Variants in SAMTOR observed in about 807,000 individuals in gnomAD.
SAMTOR encodes S-adenosylmethionine sensor upstream of mTORC1.
At chr7:112,884,541 C>T in the SAMTOR span, among the ~76,000 whole-genome samples, 40 of 152,212 alleles carry the variant, frequency 2.6e-4, no homozygotes, top group East Asian at 6.4e-3. Flanking sequence ...CATATAAGTC[C>T]GAAATCCAAT....
the SAMTOR span, among the ~76,000 whole-genome samples, chr7:112,920,667 T>A: frequency 9.8e-3 from 1,418 of 144,092 alleles, 20 homozygotes; most frequent in African/African-American, 0.034. Flanking sequence ...ATTGTCCCTG[T>A]TTGCAGATGA....
the SAMTOR span, among the ~76,000 whole-genome samples, chr7:112,917,133 C>G: frequency 2.0e-5 from 3 of 152,360 alleles, no homozygotes; most frequent in South Asian, 4.1e-4. Flanking sequence ...GATCTGAGAA[C>G]AGGCAGACTG....
chr7:112,922,051 C>T, the SAMTOR span, among the ~76,000 whole-genome samples: 1 of 152,250 alleles, frequency 6.6e-6, no homozygotes, highest in South Asian at 2.1e-4. Context: ...ACTGCAACCT[C>T]CCTGCCTGAT....
chr7:112,852,961 A>G, the SAMTOR span, among the ~76,000 whole-genome samples: 1 of 152,004 alleles, frequency 6.6e-6, no homozygotes, highest in Non-Finnish European at 1.5e-5. Context: ...TCTCTAAAGG[A>G]CAACGAACTA....
the SAMTOR span, among the ~76,000 whole-genome samples, chr7:112,902,429 C>CAAAAAAA: frequency 1.7e-5 from 1 of 58,618 alleles, no homozygotes; most frequent in Non-Finnish European, 2.8e-5. Context: ...AAAAAAAAAA[C>CAAAAAAA]AAAAAAAAAC....
chr7:112,877,024 C>G, the SAMTOR span, among the ~76,000 whole-genome samples: 1 of 152,208 alleles, frequency 6.6e-6, no homozygotes. Flanking sequence ...ATAACACTCT[C>G]TTGCTAGTTG....
chr7:112,873,850 T>A, the SAMTOR span, among the ~76,000 whole-genome samples: 2 of 151,910 alleles, frequency 1.3e-5, no homozygotes, highest in Admixed American at 6.6e-5. Context: ...AAGAAACTTA[T>A]ATCAACAAGC....
chr7:112,886,804 T>C, the SAMTOR span, among the ~76,000 whole-genome samples: 2 of 152,340 alleles, frequency 1.3e-5, no homozygotes, highest in Non-Finnish European at 2.9e-5. Context: ...CAAAGAAATT[T>C]AGTACCAATT....
At chr7:112,829,568 A>T in the SAMTOR span, among the ~76,000 whole-genome samples, 3 of 151,982 alleles carry the variant, frequency 2.0e-5, no homozygotes. Flanking sequence ...GCATGGCTGT[A>T]ATTTTTTTTG....
chr7:112,864,422 CTGTGTTTTTATGATAAA>C, the SAMTOR span, among the ~76,000 whole-genome samples: 1 of 152,228 alleles, frequency 6.6e-6, no homozygotes, highest in Non-Finnish European at 1.5e-5. Context: ...ATGGGTTCTC[CTGTGTTTTTATGATAAA>C]GTTTAATGAT....
the SAMTOR span, among the ~76,000 whole-genome samples, chr7:112,832,931 T>A: frequency 1.3e-5 from 2 of 152,076 alleles, no homozygotes; most frequent in African/African-American, 4.8e-5. Flanking sequence ...TTGTTTTATA[T>A]ATATTTACTT....
chr7:112,840,363 A>G, the SAMTOR span, among the ~76,000 whole-genome samples: 1 of 151,824 alleles, frequency 6.6e-6, no homozygotes, highest in African/African-American at 2.4e-5. Context: ...GTGTATTTCA[A>G]TTCTATTATT....
At chr7:112,939,716 C>T in the SAMTOR span, 1 of 1,608,862 alleles carries the variant, frequency 6.2e-7, no homozygotes, top group Non-Finnish European at 8.5e-7. Flanking sequence ...CCTCTGCGCA[C>T]GAGCAGTATT....
chr7:112,923,172 C>T, the SAMTOR span, among the ~76,000 whole-genome samples: 1 of 152,308 alleles, frequency 6.6e-6, no homozygotes, highest in East Asian at 1.9e-4. Flanking sequence ...TGATCTATGA[C>T]CTTACCCCTA....
At chr7:112,878,114 G>A in the SAMTOR span, among the ~76,000 whole-genome samples, 2 of 152,086 alleles carry the variant, frequency 1.3e-5, no homozygotes, top group African/African-American at 2.4e-5. Flanking sequence ...CTTTTTCTGC[G>A]CTTCCCATTT....
At chr7:112,926,256 G>T in the SAMTOR span, among the ~76,000 whole-genome samples, 1 of 152,050 alleles carries the variant, frequency 6.6e-6, no homozygotes, top group African/African-American at 2.4e-5. Context: ...GGCAACACAG[G>T]CATCTGTTAG....
the SAMTOR span, among the ~76,000 whole-genome samples, chr7:112,830,824 C>T: frequency 6.6e-6 from 1 of 150,686 alleles, no homozygotes; most frequent in Non-Finnish European, 1.5e-5. Flanking sequence ...GTAGTAACAA[C>T]AAACATTTAT....
At chr7:112,822,760 A>G in the SAMTOR span, among the ~76,000 whole-genome samples, 1 of 152,124 alleles carries the variant, frequency 6.6e-6, no homozygotes, top group African/African-American at 2.4e-5. Context: ...ATGCTAAACA[A>G]GAAATACCAT....
the SAMTOR span, among the ~76,000 whole-genome samples, chr7:112,823,349 A>G: frequency 6.6e-6 from 1 of 152,154 alleles, no homozygotes; most frequent in Non-Finnish European, 1.5e-5. Flanking sequence ...GAATTAATGA[A>G]CAGATCCAAC....
Sources: gnomAD v4.1 joint callset for allele counts (sites outside exome capture counted in the v4.1 genomes callset) on GRCh38, gnomAD v4.1.1 for gene constraint, MANE v1.5 for transcripts, NCBI Gene and HGNC (gene_info 2026-07-23, HGNC 2026-07-21) for gene names.